Variants in PRR16 observed in about 807,000 individuals in gnomAD.
PRR16 encodes the protein protein Largen.
In PRR16, 6 loss-of-function variants were observed where a neutral mutation model predicts 18.2. The observed-to-expected ratio is 0.33, with a 90% CI of 0.18 to 0.65. The LOEUF (loss-of-function observed/expected upper bound fraction) is 0.65, where lower values mean the gene tolerates loss of function less well. Among genes scored for constraint, PRR16 ranks in the 30% least tolerant of loss-of-function variants. The pLI is 0.74. For missense variants in PRR16, 412 were observed against 376.6 expected, an observed-to-expected ratio of 1.09 and a Z score of -0.78; for synonymous variants, 151 against 147.8, an observed-to-expected ratio of 1.02 and a Z score of -0.16.
intron 1 of PRR16, among the ~76,000 whole-genome samples, chr5:120,493,808 T>A (rs1683438768): frequency 6.6e-6 from 1 of 152,156 alleles, no homozygotes; most frequent in Admixed American, 6.6e-5. Flanking sequence ...GTGGTTAGGC[T>A]TTTTTCACTG....
chr5:120,727,751 CAT>C, the PRR16 span, among the ~76,000 whole-genome samples: 2 of 151,874 alleles, frequency 1.3e-5, no homozygotes, highest in East Asian at 3.9e-4. Flanking sequence ...TATATTCTAA[CAT>C]AGATATGTTA....
chr5:120,767,943 A>G, the PRR16 span, among the ~76,000 whole-genome samples: 5 of 151,866 alleles, frequency 3.3e-5, no homozygotes, highest in Non-Finnish European at 7.4e-5. Flanking sequence ...GTGTTTTTAT[A>G]AAAGTCACCA....
At chr5:120,617,735 C>CT (rs1561576535) in intron 1 of PRR16, among the ~76,000 whole-genome samples, 1 of 151,912 alleles carries the variant, frequency 6.6e-6, no homozygotes, top group Non-Finnish European at 1.5e-5. Flanking sequence ...AGACAATAGT[C>CT]TTTTTTTAAA....
At chr5:120,696,542 A>G in the PRR16 span, among the ~76,000 whole-genome samples, 1 of 152,252 alleles carries the variant, frequency 6.6e-6, no homozygotes, top group African/African-American at 2.4e-5. Context: ...ACCTCTTAAT[A>G]GGCTGAATAA....
chr5:120,712,362 G>A, the PRR16 span, among the ~76,000 whole-genome samples: 11 of 152,110 alleles, frequency 7.2e-5, no homozygotes, highest in East Asian at 1.9e-3. Flanking sequence ...ATGCAAGTTT[G>A]TACCCTTTGA....
At chr5:120,528,945 C>A (rs1002052772) in intron 1 of PRR16, among the ~76,000 whole-genome samples, 3 of 152,142 alleles carry the variant, frequency 2.0e-5, no homozygotes, top group Non-Finnish European at 2.9e-5. Flanking sequence ...TTTGGCTTAG[C>A]CTGCCACAGA....
chr5:120,630,181 T>A (rs926196925), intron 1 of PRR16, among the ~76,000 whole-genome samples: 4 of 152,132 alleles, frequency 2.6e-5, no homozygotes, highest in African/African-American at 9.6e-5. Context: ...CATTTACATC[T>A]CCTAACCACT....
At chr5:120,631,889 A>T (rs1755066845) in intron 1 of PRR16, among the ~76,000 whole-genome samples, 1 of 152,040 alleles carries the variant, frequency 6.6e-6, no homozygotes, top group South Asian at 2.1e-4. Flanking sequence ...CAGCTGATGC[A>T]CTCTTGAAAG....
chr5:120,533,138 C>T (rs1169867375), intron 1 of PRR16, among the ~76,000 whole-genome samples: 2 of 152,128 alleles, frequency 1.3e-5, no homozygotes, highest in East Asian at 3.9e-4. Context: ...TTGTTCCTGC[C>T]CTTTTGGAGT....
chr5:120,681,830 C>T lies in PRR16; in HGVS notation c.160-4124C>T, dbSNP rs75915290. 3.7e-3 allele frequency among the ~76,000 whole-genome samples: 569 copies of T among 152,286 alleles called. 8 individuals carry two copies. The highest frequency in any genetic ancestry group is 4.4e-3 in the East Asian group (23 of 5,188). On this transcript the variant is annotated intron_variant, in intron 1 of 1. Transcript: ENST00000407149. ...ATCTGTCAGCTTAATTTTTGTTACT[C>T]TATAAATACTTGGTGTTCCCTTTTT...
At chr5:120,541,478 G>T (rs1485168023) in intron 1 of PRR16, among the ~76,000 whole-genome samples, 4 of 152,092 alleles carry the variant, frequency 2.6e-5, no homozygotes, top group African/African-American at 4.8e-5. Context: ...GAATGTTTTT[G>T]CTTCCCAACT....
the PRR16 span, among the ~76,000 whole-genome samples, chr5:120,781,996 C>G: frequency 8.5e-6 from 1 of 117,014 alleles, no homozygotes. Context: ...CTAATAAAAA[C>G]AGTGATTTGC....
At chr5:120,597,516 G>A (rs1490897657) in intron 1 of PRR16, among the ~76,000 whole-genome samples, 1 of 151,542 alleles carries the variant, frequency 6.6e-6, no homozygotes, top group Non-Finnish European at 1.5e-5. Flanking sequence ...ATAGAAGCAG[G>A]AATAAAGGTA....
intron 1 of PRR16, among the ~76,000 whole-genome samples, chr5:120,594,085 C>A (rs538574372): frequency 6.6e-6 from 1 of 152,230 alleles, no homozygotes; most frequent in African/African-American, 2.4e-5. Flanking sequence ...CCCTTGAACA[C>A]TGGCACAAGA....
At chr5:120,658,355 A>AG (rs1756057849) in intron 1 of PRR16, 2 of 151,208 alleles carry the variant, frequency 1.3e-5, no homozygotes, top group African/African-American at 2.4e-5. Context: ...TGGGGGAAAA[A>AG]AAAAAAAAAG....
At chr5:120,731,643 T>C in the PRR16 span, among the ~76,000 whole-genome samples, 1 of 152,218 alleles carries the variant, frequency 6.6e-6, no homozygotes, top group African/African-American at 2.4e-5. Context: ...AAGGGGCATT[T>C]ATCTGCTCCT....
chr5:120,693,988 A>G, the PRR16 span, among the ~76,000 whole-genome samples: 1 of 152,230 alleles, frequency 6.6e-6, no homozygotes, highest in African/African-American at 2.4e-5. Flanking sequence ...AACATTAATT[A>G]TCTTCTATTA....
the PRR16 span, among the ~76,000 whole-genome samples, chr5:120,702,214 TCAGAAATAAGGGGTCGGGACA>T: frequency 3.7e-4 from 53 of 143,966 alleles, 1 homozygote; most frequent in South Asian, 0.01. Context: ...GGGATGGGGC[TCAGAAATAAGGGGTCGGGACA>T]CAGAAATAAG....
downstream of PRR16, chr5:120,687,441 A>G (rs1757158925): frequency 6.6e-6 from 1 of 151,598 alleles, no homozygotes; most frequent in African/African-American, 2.4e-5. Flanking sequence ...TCTAAATGAA[A>G]TATCATATTC....
Sources: gnomAD v4.1 joint callset for allele counts (sites outside exome capture counted in the v4.1 genomes callset) on GRCh38, gnomAD v4.1.1 for gene constraint, MANE v1.5 for transcripts, NCBI Gene and HGNC (gene_info 2026-07-23, HGNC 2026-07-21) for gene names.